The following FLT3 variants were observed in gnomAD, a reference collection of about 807,000 sequenced individuals.
The protein encoded by FLT3 is fms related receptor tyrosine kinase 3.
FLT3 carries 46 observed loss-of-function variants against 126.6 expected under a neutral mutation model. The ratio of observed to expected loss-of-function variants is 0.36; its 90% confidence interval spans 0.29 to 0.46. The LOEUF (loss-of-function observed/expected upper bound fraction) is 0.46, where lower values mean the gene tolerates loss of function less well. FLT3 is among the 20% of genes least tolerant of loss of function. The probability of loss-of-function intolerance (pLI) is 1.00; values close to 1 mark genes in which losing one functional copy is unlikely to be tolerated. For missense variants in FLT3, 1,069 were observed against 1,190.3 expected (o/e 0.90, Z 1.50); for synonymous variants, 404 against 434.4 (o/e 0.93, Z 0.87).
At chr13:28,012,634 C>T (rs1159449128) in intron 23 of FLT3, among the ~76,000 whole-genome samples, 2 of 152,100 alleles carry the variant, frequency 1.3e-5, no homozygotes, top group Non-Finnish European at 2.9e-5. Flanking sequence ...CAATGAGTAA[C>T]ATCAATCAGT....
At chr13:28,050,008 A>G (rs1566083216) in intron 6 of FLT3, 87 bp downstream of exon 6, 3 of 1,414,360 alleles carry the variant, frequency 2.1e-6, no homozygotes, top group East Asian at 4.6e-5. Context: ...CTGAAGTTGA[A>G]TGATCACCTA....
chr13:28,099,976 AT>A (rs1366697220), intron 1 of FLT3, among the ~76,000 whole-genome samples: 1 of 152,164 alleles, frequency 6.6e-6, no homozygotes, highest in Non-Finnish European at 1.5e-5. Context: ...ACGCGGACGC[AT>A]TTTCCCATCA....
chr13:28,091,195 GGGCCCCAT>G (rs1879008691), intron 1 of FLT3, among the ~76,000 whole-genome samples: 1 of 133,104 alleles, frequency 7.5e-6, no homozygotes, highest in South Asian at 2.3e-4. Flanking sequence ...TATCCTCTTT[GGGCCCCAT>G]TTTCTTTTTT....
At chr13:28,077,409 C>A (rs2095742) in intron 1 of FLT3, among the ~76,000 whole-genome samples, 148,530 of 152,242 alleles carry the variant, frequency 0.98, 72,550 homozygotes, top group East Asian at 1. Context: ...AATGAGGAAG[C>A]AGCAAAAGCA....
Position 28,078,920 on chromosome 13 carries a change from G to A in FLT3, c.44-8308C>T, listed in dbSNP as rs146553483. On this transcript the variant is annotated intron_variant, in intron 1 of 23. Transcript: ENST00000241453. ...GTAGAGACAGGGTTTTACTGTGTTT[G>A]CTAGGCTGGTCTTGAACTCCCGACC... Among the ~76,000 whole-genome samples, 24 of 152,196 alleles carry A rather than the reference G, an allele frequency of 1.6e-4. No individual in the cohort carries two copies. The East Asian group carries it at 4.6e-3, about 29-fold the overall frequency.
intron 1 of FLT3, among the ~76,000 whole-genome samples, chr13:28,072,652 TC>T (rs1313573723): frequency 6.6e-6 from 1 of 152,134 alleles, no homozygotes; most frequent in Non-Finnish European, 1.5e-5. Flanking sequence ...TGCCTTGGCC[TC>T]CCAAAGTGCT....
intron 4 of FLT3, 113 bp from the exon 5 acceptor site, chr13:28,052,787 T>G (rs1875642936): frequency 4.7e-6 from 3 of 639,258 alleles, no homozygotes; most frequent in Non-Finnish European, 7.4e-6. Context: ...TACGTATACA[T>G]ATTTTTTTCT....
At chr13:28,016,188 G>A (rs913914169) in intron 20 of FLT3, among the ~76,000 whole-genome samples, 6 of 152,152 alleles carry the variant, frequency 3.9e-5, no homozygotes, top group African/African-American at 1.4e-4. Context: ...GCATGAAAGG[G>A]AGTTTTGACT....
At chr13:28,085,971 AT>A (rs2137817696) in intron 1 of FLT3, among the ~76,000 whole-genome samples, 1 of 152,282 alleles carries the variant, frequency 6.6e-6, no homozygotes, top group East Asian at 1.9e-4. Context: ...CATTAAAAAA[AT>A]ATCCAGGACT....
chr13:28,044,867 C>T (rs1275876174), intron 9 of FLT3, among the ~76,000 whole-genome samples: 1 of 152,164 alleles, frequency 6.6e-6, no homozygotes, highest in African/African-American at 2.4e-5. Flanking sequence ...CTGTGAGTTG[C>T]ATTCCAGATA....
At chr13:28,089,290 T>C (rs933895044) in intron 1 of FLT3, among the ~76,000 whole-genome samples, 2 of 152,222 alleles carry the variant, frequency 1.3e-5, no homozygotes, top group African/African-American at 2.4e-5. Flanking sequence ...GAAAAACAGT[T>C]TGGCAGTTTC....
rs1238726768 is a variant in FLT3, at chr13:28,023,400, AAAG to A, written c.2365_2367del (p.Leu789del). The A allele has an allele frequency of 5.6e-6, 9 of 1,613,908 alleles. No individual in the cohort carries two copies. Among genetic ancestry groups the A allele is most frequent in the Admixed American group, 1.7e-5 (1 of 59,998 alleles). Reference sequence around the variant, plus strand: ...CCTTTGGCAACTTGATATGCAAAGCAAAGAAGATCTTCAAATGTAAGCACATTC... The same window carrying A: ...CCTTTGGCAACTTGATATGCAAAGCAAAGATCTTCAAATGTAAGCACATTC... On this transcript the variant is annotated inframe_deletion, in exon 19 of 24. Coordinates refer to ENST00000241453, the MANE Select transcript of FLT3 (RefSeq NM_004119.3).
At position 28,061,997 on chromosome 13, in the gene FLT3, C is replaced by A. The variant is rs200841206; in HGVS notation, c.238G>T (p.Ala80Ser). Residue 80 changes from alanine to serine, a missense_variant, in exon 3 of 24, where the codon GCT becomes TCT. Physicochemically the swap from Ala to Ser is moderately conservative, Grantham distance 99. Transcript: ENST00000241453. ...GAAGCAGATACATCCACTTCCACAGCGGCAGCTTCGTACACTGTCCCTGAG... is the reference window on the plus strand; with the variant it reads ...GAAGCAGATACATCCACTTCCACAGAGGCAGCTTCGTACACTGTCCCTGAG... ...QSSGTVYEAA[A>S]VEVDVSASIT... 50 of 1,613,360 alleles carry A rather than the reference C, an allele frequency of 3.1e-5. No individual in the cohort carries two copies. The highest frequency in any genetic ancestry group is 3.8e-5 in the Non-Finnish European group (45 of 1,179,982).
At chr13:28,081,470 CAG>C (rs1878302305) in intron 1 of FLT3, among the ~76,000 whole-genome samples, 2 of 152,294 alleles carry the variant, frequency 1.3e-5, no homozygotes, top group Non-Finnish European at 2.9e-5. Context: ...TGCAAACTTA[CAG>C]AACTCACTTA....
intron 2 of FLT3, among the ~76,000 whole-genome samples, chr13:28,068,704 C>T (rs935338702): frequency 1.1e-4 from 17 of 152,132 alleles, no homozygotes; most frequent in African/African-American, 4.1e-4. Flanking sequence ...TAGCTGGGAC[C>T]ACAGGCGCAC....
At chr13:28,065,516 C>T (rs1380807189) in intron 2 of FLT3, among the ~76,000 whole-genome samples, 2 of 152,136 alleles carry the variant, frequency 1.3e-5, no homozygotes, top group Non-Finnish European at 2.9e-5. Context: ...GTGGTGCATG[C>T]CTGTGGTCCT....
Position 28,034,132 on chromosome 13 carries a change from T to C in FLT3, c.1787A>G (p.Glu596Gly). ...DNEYFYVDFREYEYDLKWEFP... is the reference protein window; with the variant it reads ...DNEYFYVDFRGYEYDLKWEFP... ...CTCCCATTTGAGATCATATTCATAT[T>C]CTCTGAAATCAACGTAGAAGTACTC... The change falls in exon 14 of 24, where the codon GAA (glutamate) becomes GGA (glycine). Residue 596 changes from glutamate to glycine, a missense_variant. Glu to Gly is a moderately conservative substitution (Grantham distance 98). Transcript: ENST00000241453. 6.2e-7 allele frequency: 1 copy of C among 1,614,046 alleles called. No individual in the cohort carries two copies. The highest frequency in any genetic ancestry group is 8.5e-7 in the Non-Finnish European group (1 of 1,179,906).
intron 1 of FLT3, among the ~76,000 whole-genome samples, chr13:28,075,252 TTTTCATATA>T (rs1370258515): frequency 2.6e-5 from 4 of 152,186 alleles, no homozygotes; most frequent in Non-Finnish European, 1.5e-5. Flanking sequence ...GTTGAACATT[TTTTCATATA>T]TTTCATATAT....
chr13:28,019,515 C>G (rs1469210676), intron 19 of FLT3, among the ~76,000 whole-genome samples: 1 of 152,164 alleles, frequency 6.6e-6, no homozygotes, highest in Non-Finnish European at 1.5e-5. Context: ...ACTCTTTCAT[C>G]TTTAAAAAAT....
Sources: allele counts gnomAD v4.1 joint callset (sites outside exome capture counted in the v4.1 genomes callset), GRCh38; gene constraint gnomAD v4.1.1; transcripts MANE v1.5; gene names NCBI Gene and HGNC (gene_info 2026-07-23, HGNC 2026-07-21).